Variants in FBXO42 observed in about 807,000 individuals in gnomAD.
The protein encoded by FBXO42 is F-box protein 42.
A neutral mutation model predicts 71.7 loss-of-function variants in FBXO42; 12 were observed. The ratio of observed to expected loss-of-function variants is 0.17; its 90% CI spans 0.11 to 0.27. The LOEUF is 0.27. Ranked by LOEUF, FBXO42 falls within the 10% of genes least tolerant of loss-of-function variation. The pLI is 1.00. For missense variants in FBXO42, 707 were observed against 911.9 expected (o/e 0.78, Z 2.89); for synonymous variants, 325 against 327.5 (o/e 0.99, Z 0.08).
chr1:16,302,317 T>C (rs1357791209), intron 3 of FBXO42, among the ~76,000 whole-genome samples: 1 of 152,186 alleles, frequency 6.6e-6, no homozygotes, highest in East Asian at 1.9e-4. Context: ...ACTGAGGTAG[T>C]GTATTAGTCC....
intron 2 of FBXO42, among the ~76,000 whole-genome samples, chr1:16,308,740 G>GTTT (rs35488648): frequency 0.015 from 1,194 of 80,554 alleles, 15 homozygotes; most frequent in African/African-American, 0.017. Context: ...CCCCATCTCT[G>GTTT]TTTTTTTTTT....
intron 4 of FBXO42, among the ~76,000 whole-genome samples, chr1:16,257,663 T>A (rs1349214790): frequency 6.6e-6 from 1 of 152,196 alleles, no homozygotes; most frequent in African/African-American, 2.4e-5. Flanking sequence ...AATATCCAGG[T>A]GTCAGTAAAT....
intron 4 of FBXO42, among the ~76,000 whole-genome samples, chr1:16,282,980 CAA>C (rs57691487): frequency 5.2e-4 from 51 of 98,328 alleles, no homozygotes; most frequent in African/African-American, 1.5e-3. Context: ...GACTCCGTCT[CAA>C]AAAAAAAAAA....
chr1:16,331,057 T>C (rs925072878), intron 1 of FBXO42, among the ~76,000 whole-genome samples: 1 of 139,490 alleles, frequency 7.2e-6, no homozygotes, highest in African/African-American at 2.7e-5. Flanking sequence ...GAGGCGGAGG[T>C]TGCAGTGAGC....
intron 4 of FBXO42, among the ~76,000 whole-genome samples, chr1:16,289,071 T>C (rs1400237582): frequency 2.0e-5 from 3 of 151,940 alleles, no homozygotes; most frequent in African/African-American, 7.3e-5. Flanking sequence ...TTCCTTCATT[T>C]CCTAAATAGA....
chr1:16,304,209 C>T (rs1395460371), intron 3 of FBXO42, among the ~76,000 whole-genome samples: 1 of 151,634 alleles, frequency 6.6e-6, no homozygotes, highest in African/African-American at 2.4e-5. Flanking sequence ...CTCCGCCTCC[C>T]AGGTTCAAGC....
At chr1:16,314,276 A>T (rs2082342308) in intron 2 of FBXO42, among the ~76,000 whole-genome samples, 1 of 152,174 alleles carries the variant, frequency 6.6e-6, no homozygotes, top group Admixed American at 6.5e-5. Flanking sequence ...AAAGTAAAAG[A>T]TGTATATAGG....
Position 16,303,653 on chromosome 1 carries a change from C to T in FBXO42, c.367+2150G>A, listed in dbSNP as rs761393513. Among the ~76,000 whole-genome samples, 5 of 149,792 alleles carry T rather than the reference C, an allele frequency of 3.3e-5. No individual in the cohort carries two copies. The East Asian group carries it at 5.8e-4, about 17-fold the overall frequency. On this transcript the variant is annotated intron_variant, in intron 3 of 9. Transcript: ENST00000375592. The stretch of plus-strand genomic sequence containing the variant: ...CATGATCTCGACTCACTGCAACCTC[C>T]GCCTCCCGGGTTCAAGTGATTCTCC...
intron 3 of FBXO42, among the ~76,000 whole-genome samples, chr1:16,296,150 A>G (rs185610826): frequency 4.5e-4 from 68 of 152,332 alleles, no homozygotes; most frequent in African/African-American, 1.6e-3. Context: ...ATCCTTTGGA[A>G]ATGACGATCA....
chr1:16,263,138 T>G (rs1569822333), intron 4 of FBXO42, among the ~76,000 whole-genome samples: 1 of 152,294 alleles, frequency 6.6e-6, no homozygotes, highest in Non-Finnish European at 1.5e-5. Flanking sequence ...TTATTCATTT[T>G]TTTTTAAGTT....
At chr1:16,280,148 A>G (rs2081948573) in intron 4 of FBXO42, among the ~76,000 whole-genome samples, 1 of 152,116 alleles carries the variant, frequency 6.6e-6, no homozygotes, top group African/African-American at 2.4e-5. Context: ...ACACCAGCCA[A>G]CAATATGTAC....
chr1:16,276,358 C>T (rs1175040144), intron 4 of FBXO42, among the ~76,000 whole-genome samples: 8 of 143,602 alleles, frequency 5.6e-5, no homozygotes, highest in Admixed American at 1.4e-4. Context: ...CCAGCCCGGG[C>T]GACAGACCGA....
chr1:16,329,341 T>A (rs1350975078), intron 1 of FBXO42, among the ~76,000 whole-genome samples: 1 of 151,980 alleles, frequency 6.6e-6, no homozygotes, highest in Non-Finnish European at 1.5e-5. Flanking sequence ...CCTAGCACTT[T>A]GGGAGACTGA....
intron 2 of FBXO42, among the ~76,000 whole-genome samples, chr1:16,308,809 T>G (rs1338886881): frequency 7.6e-6 from 1 of 130,996 alleles, no homozygotes; most frequent in Admixed American, 9.3e-5. Flanking sequence ...CGTGGTGCAA[T>G]GTCAGCTGAC....
At chr1:16,312,666 T>C (rs2082324676) in intron 2 of FBXO42, among the ~76,000 whole-genome samples, 1 of 152,176 alleles carries the variant, frequency 6.6e-6, no homozygotes, top group African/African-American at 2.4e-5. Context: ...CTATGGAATT[T>C]GGGTTTATGG....
At chr1:16,347,383 T>C (rs989917348) in intron 1 of FBXO42, among the ~76,000 whole-genome samples, 3 of 151,404 alleles carry the variant, frequency 2.0e-5, no homozygotes, top group Non-Finnish European at 4.4e-5. Flanking sequence ...GGCATGGTGG[T>C]GTGCACCTGT....
At chr1:16,319,520 T>A (rs746876941) in intron 1 of FBXO42, among the ~76,000 whole-genome samples, 1 of 152,088 alleles carries the variant, frequency 6.6e-6, no homozygotes, top group Non-Finnish European at 1.5e-5. Flanking sequence ...CACCTGGTGG[T>A]ATGGGGGAAA....
chr1:16,288,452 A>AAATAAT (rs915415821), intron 4 of FBXO42, among the ~76,000 whole-genome samples: 25 of 140,476 alleles, frequency 1.8e-4, no homozygotes, highest in African/African-American at 3.3e-4. Flanking sequence ...ATAAAAATAA[A>AAATAAT]AATAATAATA....
At chr1:16,329,326 G>A (rs1027600661) in intron 1 of FBXO42, among the ~76,000 whole-genome samples, 3 of 152,092 alleles carry the variant, frequency 2.0e-5, no homozygotes, top group African/African-American at 7.2e-5. Context: ...GTTCATGCCT[G>A]TAATCCTAGC....
Sources: gnomAD v4.1 joint callset for allele counts (sites outside exome capture counted in the v4.1 genomes callset) on GRCh38, gnomAD v4.1.1 for gene constraint, MANE v1.5 for transcripts, NCBI Gene and HGNC (gene_info 2026-07-23, HGNC 2026-07-21) for gene names.